The following SACM1L variants were observed in gnomAD, a reference collection of about 807,000 sequenced individuals.
SACM1L encodes SAC1 like phosphatidylinositide phosphatase.
In SACM1L, 32 loss-of-function variants were observed where a neutral mutation model predicts 89.5. The observed-to-expected ratio is 0.36, with a 90% CI of 0.27 to 0.48. SACM1L has a LOEUF of 0.48. SACM1L is among the 20% of genes least tolerant of loss of function. The probability of loss-of-function intolerance (pLI) is 0.99; values close to 1 mark genes in which losing one functional copy is unlikely to be tolerated. For missense variants in SACM1L, 543 were observed against 708.5 expected, an observed-to-expected ratio of 0.77 and a Z score of 2.65; for synonymous variants, 213 against 232.8, an observed-to-expected ratio of 0.92 and a Z score of 0.77.
chr3:45,741,137 C>G (rs1453679339), intron 19 of SACM1L, among the ~76,000 whole-genome samples: 1 of 152,208 alleles, frequency 6.6e-6, no homozygotes, highest in African/African-American at 2.4e-5. Context: ...GAGGCACCTT[C>G]CAGCCTTCAT....
intron 14 of SACM1L, 48 bp from the exon 15 acceptor site, chr3:45,737,535 C>T (rs1050033631): frequency 6.5e-7 from 1 of 1,537,376 alleles, no homozygotes; most frequent in African/African-American, 1.4e-5. Context: ...TAAACCATGT[C>T]TGCTAAAATC....
At chr3:45,723,987 T>C (rs1052122754) in intron 11 of SACM1L, among the ~76,000 whole-genome samples, 1 of 147,088 alleles carries the variant, frequency 6.8e-6, no homozygotes, top group Admixed American at 6.7e-5. Flanking sequence ...CACACACATA[T>C]ACATGCATAC....
rs1470241922 is a variant in SACM1L at position 45,719,525 on chromosome 3, T to G, written c.603T>G (p.Ile201Met). The change falls in exon 8 of 20, where the codon ATT becomes ATG. Residue 201 changes from isoleucine (I) to methionine (M), a missense_variant. Coordinates refer to ENST00000389061, the MANE Select transcript of SACM1L (RefSeq NM_014016.5). ...TTATTACCATGCATTCATGTTCTAT[T>G]AATGGAAAATACTTTGATTGGATTC... ...HGFITMHSCS[I>M]NGKYFDWILI... 6.2e-7 allele frequency: 1 copy of G among 1,608,872 alleles called. No homozygotes were observed. The highest frequency in any genetic ancestry group is 1.7e-5 in the Admixed American group (1 of 59,566).
Position 45,693,416 on chromosome 3 carries a change from G to T in SACM1L, c.32+3919G>T, listed in dbSNP as rs116303274. 7.6e-3 allele frequency among the ~76,000 whole-genome samples: 1,155 copies of T among 152,288 alleles called. 14 individuals are homozygous for T. The highest frequency in any genetic ancestry group is 0.027 in the African/African-American group (1,110 of 41,542). Reference sequence around the variant, plus strand: ...AGACCACGTACTAGCACTGCAAAAAGAACACAGTCTAGGGTAATTTGGAAT... The same window carrying T: ...AGACCACGTACTAGCACTGCAAAAATAACACAGTCTAGGGTAATTTGGAAT... On this transcript the variant is annotated intron_variant, in intron 1 of 19. Coordinates refer to ENST00000389061, the MANE Select transcript of SACM1L (RefSeq NM_014016.5).
chr3:45,698,265 G>GCC (rs1698176408), intron 1 of SACM1L, among the ~76,000 whole-genome samples: 1 of 152,226 alleles, frequency 6.6e-6, no homozygotes, highest in African/African-American at 2.4e-5. Flanking sequence ...CGTGAGTTAG[G>GCC]ATGATACCTG....
intron 11 of SACM1L, among the ~76,000 whole-genome samples, chr3:45,726,873 T>C (rs868417873): frequency 0.054 from 979 of 18,236 alleles, 359 homozygotes; most frequent in Middle Eastern, 0.17. Context: ...TTATTTCTTT[T>C]TTTTTTTTTT....
At chr3:45,718,301 A>C (rs1011083011) in intron 7 of SACM1L, among the ~76,000 whole-genome samples, 1 of 151,422 alleles carries the variant, frequency 6.6e-6, no homozygotes, top group African/African-American at 2.5e-5. Flanking sequence ...TGTTAAAAAA[A>C]AAAAAAAGTC....
intron 1 of SACM1L, among the ~76,000 whole-genome samples, chr3:45,703,054 T>C (rs1292820188): frequency 2.0e-5 from 3 of 152,230 alleles, no homozygotes; most frequent in African/African-American, 7.2e-5. Flanking sequence ...ATCGTTATTT[T>C]ACAGAAAGGG....
chr3:45,714,920 A>G (rs990719398), intron 7 of SACM1L, among the ~76,000 whole-genome samples: 3 of 152,244 alleles, frequency 2.0e-5, no homozygotes, highest in African/African-American at 7.2e-5. Flanking sequence ...GACCACATAT[A>G]TGAAGGTGGT....
chr3:45,719,214 T>C (rs1333605235), intron 7 of SACM1L, among the ~76,000 whole-genome samples: 1 of 152,196 alleles, frequency 6.6e-6, no homozygotes, highest in Non-Finnish European at 1.5e-5. Context: ...TAATACTTAA[T>C]TCTTTAGAAA....
intron 12 of SACM1L, among the ~76,000 whole-genome samples, chr3:45,731,747 C>G (rs1699057646): frequency 6.6e-6 from 1 of 152,164 alleles, no homozygotes. Context: ...TGTTGTGTTT[C>G]TCCTCTACTC....
chr3:45,690,699 C>A (rs1350262655), intron 1 of SACM1L, among the ~76,000 whole-genome samples: 1 of 152,160 alleles, frequency 6.6e-6, no homozygotes, highest in Non-Finnish European at 1.5e-5. Flanking sequence ...TCTTTGAAAA[C>A]CCTAGCTGCA....
chr3:45,721,079 A>G (rs1384432544), intron 8 of SACM1L, among the ~76,000 whole-genome samples: 1 of 152,222 alleles, frequency 6.6e-6, no homozygotes, highest in Non-Finnish European at 1.5e-5. Context: ...CAAGAATCCA[A>G]ACACTTTGCT....
intron 19 of SACM1L, 185 bp downstream of exon 19, chr3:45,739,829 G>A (rs1699278161): frequency 1.6e-6 from 1 of 624,626 alleles, no homozygotes; most frequent in Non-Finnish European, 2.8e-6. Flanking sequence ...TAGTTTGATG[G>A]TTGTCGTTTT....
At chr3:45,714,729 G>C (rs757270761) in intron 7 of SACM1L, among the ~76,000 whole-genome samples, 14 of 152,172 alleles carry the variant, frequency 9.2e-5, no homozygotes, top group Non-Finnish European at 1.8e-4. Flanking sequence ...TCAGAGTACA[G>C]ATACAAAATG....
In SACM1L at chr3:45,743,631, G is replaced by A. The variant is rs1475402800; in HGVS notation, c.1726G>A (p.Asp576Asn). The change falls in exon 20 of 20, where the codon GAT becomes AAT. Residue 576 changes from aspartate (D) to asparagine (N), a missense_variant. Transcript: ENST00000389061. ...TCTTTACAATGGCAAAGATTTTGTC[G>A]ATGCTCCCAGACTGGTCCAGAAAGA... ...IILYNGKDFV[D>N]APRLVQKEKI... is the part of the protein sequence containing the mutation. 10 of 1,613,886 alleles carry A rather than the reference G, an allele frequency of 6.2e-6. No homozygotes were observed. The highest frequency in any genetic ancestry group is 5.0e-5 in the Admixed American group (3 of 59,964).
intron 1 of SACM1L, among the ~76,000 whole-genome samples, chr3:45,698,610 G>A (rs1275462786): frequency 1.3e-5 from 2 of 152,150 alleles, no homozygotes; most frequent in African/African-American, 2.4e-5. Flanking sequence ...GAGTGCGATG[G>A]CGCAATCTCT....
intron 1 of SACM1L, chr3:45,690,152 C>G (rs569144101): frequency 1.3e-5 from 2 of 152,370 alleles, no homozygotes; most frequent in East Asian, 3.9e-4. Flanking sequence ...TTCGGTAAAT[C>G]CAAGTTCTTG....
intron 1 of SACM1L, among the ~76,000 whole-genome samples, chr3:45,697,702 G>C (rs961390167): frequency 6.6e-6 from 1 of 152,174 alleles, no homozygotes; most frequent in Admixed American, 6.5e-5. Context: ...ATCTTCCATA[G>C]TATGTGTCTT....
Sources: gnomAD v4.1 joint callset for allele counts (sites outside exome capture counted in the v4.1 genomes callset) on GRCh38, gnomAD v4.1.1 for gene constraint, MANE v1.5 for transcripts, NCBI Gene and HGNC (gene_info 2026-07-23, HGNC 2026-07-21) for gene names.